TRPM3: variants seen among roughly 807,000 people sequenced by gnomAD.
TRPM3 encodes the protein long transient receptor potential channel 3.
In TRPM3, 77 loss-of-function variants were observed where a neutral mutation model predicts 181.2. That is an observed-to-expected ratio of 0.42 (90% confidence interval 0.35 to 0.51). TRPM3 has a LOEUF of 0.51. TRPM3 is among the 20% of genes least tolerant of loss of function. TRPM3 has a pLI of 0.01. For missense variants in TRPM3, 1,759 were observed against 2,196.7 expected (o/e 0.80, Z 3.98); for synonymous variants, 745 against 796.4 (o/e 0.94, Z 1.09).
intron 1 of TRPM3, among the ~76,000 whole-genome samples, chr9:71,424,330 G>T (rs1315786335): frequency 1.3e-5 from 2 of 152,026 alleles, no homozygotes; most frequent in African/African-American, 2.4e-5. Flanking sequence ...AAAACAGATT[G>T]GGGTTCAGAT....
intron 1 of TRPM3, among the ~76,000 whole-genome samples, chr9:71,412,331 T>A (rs7467594): frequency 0.99 from 150,262 of 152,210 alleles, 74,208 homozygotes; most frequent in East Asian, 1. Flanking sequence ...ATGGGAAAAA[T>A]TTTTTGCAAC....
chr9:70,695,180 C>T (rs576860855), intron 8 of TRPM3, among the ~76,000 whole-genome samples: 1 of 152,306 alleles, frequency 6.6e-6, no homozygotes, highest in Non-Finnish European at 1.5e-5. Flanking sequence ...GTGTACGGAG[C>T]ATGGACTTTT....
intron 1 of TRPM3, among the ~76,000 whole-genome samples, chr9:70,969,729 C>T (rs1217440724): frequency 7.2e-6 from 1 of 138,744 alleles, no homozygotes; most frequent in Non-Finnish European, 1.6e-5. Flanking sequence ...TACACACCTG[C>T]AGGATTGTTG....
At chr9:70,608,648 C>T (rs2132955381) in intron 19 of TRPM3, among the ~76,000 whole-genome samples, 1 of 152,128 alleles carries the variant, frequency 6.6e-6, no homozygotes, top group South Asian at 2.1e-4. Context: ...CCAGCCTGGC[C>T]AACGTGGCAA....
At chr9:70,787,210 A>T (rs1368067241) in intron 6 of TRPM3, among the ~76,000 whole-genome samples, 1 of 152,214 alleles carries the variant, frequency 6.6e-6, no homozygotes, top group Non-Finnish European at 1.5e-5. Flanking sequence ...ACTGAAACTA[A>T]TTACCAATTA....
At chr9:70,680,297 G>A (rs758093174) in intron 9 of TRPM3, among the ~76,000 whole-genome samples, 2 of 152,174 alleles carry the variant, frequency 1.3e-5, no homozygotes, top group African/African-American at 2.4e-5. Context: ...TCATTTGGTT[G>A]TTGAAATAAA....
Position 71,121,435 on chromosome 9 carries a change from C to A in TRPM3, c.-81G>T. 1 of 1,524,500 alleles carries A rather than the reference C, an allele frequency of 6.6e-7. No individual in the cohort carries two copies. The highest frequency in any genetic ancestry group is 8.8e-7 in the Non-Finnish European group (1 of 1,139,016). The allele number at this position is 1,524,500 out of a possible 1,614,324, so 94.4% of individuals were successfully genotyped here. On this transcript the variant is annotated 5_prime_UTR_variant, in exon 1 of 26. In the 5' UTR this introduces an upstream ATG that the reference lacks. Transcript: ENST00000677713. ...TGGAAGACTAGTCAAGTAGCCTTGCCTGAGCCCCTGAACCTTCTTAAAACA... is the reference window on the plus strand; with the variant it reads ...TGGAAGACTAGTCAAGTAGCCTTGCATGAGCCCCTGAACCTTCTTAAAACA...
At chr9:71,199,210 A>C (rs11524687) in intron 1 of TRPM3, among the ~76,000 whole-genome samples, 63,132 of 148,862 alleles carry the variant, frequency 0.42, 13,898 homozygotes, top group East Asian at 0.51. Context: ...GCCTTGCATC[A>C]CAGGGATGAA....
intron 1 of TRPM3, among the ~76,000 whole-genome samples, chr9:71,206,068 T>C (rs1181390388): frequency 2.0e-5 from 3 of 152,242 alleles, no homozygotes; most frequent in African/African-American, 7.2e-5. Context: ...GATTTGCATG[T>C]GTCTTTACAG....
rs151289034 is a variant in TRPM3, at chr9:70,864,558, G to A, written c.178-47C>T. On this transcript the variant is annotated intron_variant, in intron 1 of 25. Transcript: ENST00000677713. The stretch of plus-strand genomic sequence containing the variant: ...AAAAAAAAAGAAAAAAGAAAGAAAG[G>A]TGAACATACCGTGAAATATTTTTAA... 470 of 1,274,778 alleles carry A rather than the reference G, an allele frequency of 3.7e-4. 10 individuals are homozygous for A. The East Asian group carries it at 0.012, about 33-fold the overall frequency. The allele number at this position is 1,274,778 out of a possible 1,614,324, so 79.0% of individuals were successfully genotyped here.
At chr9:71,386,937 T>C (rs2092937310) in intron 1 of TRPM3, among the ~76,000 whole-genome samples, 1 of 152,190 alleles carries the variant, frequency 6.6e-6, no homozygotes, top group African/African-American at 2.4e-5. Context: ...ACATGTGATC[T>C]TCCATTGGCA....
At chr9:71,441,630 C>CT (rs559254034) in intron 1 of TRPM3, among the ~76,000 whole-genome samples, 6,842 of 114,528 alleles carry the variant, frequency 0.06, 389 homozygotes, top group African/African-American at 0.13. Flanking sequence ...TTTGACTCGG[C>CT]TTTTTTTTTT....
chr9:71,168,812 AG>A (rs1469589052), intron 1 of TRPM3, among the ~76,000 whole-genome samples: 3 of 151,808 alleles, frequency 2.0e-5, no homozygotes, highest in African/African-American at 7.3e-5. Context: ...TAAATGAGTG[AG>A]GATACCTGGG....
In TRPM3 at chr9:71,171,709, T is replaced by C. The variant is rs570693293; in HGVS notation, c.183+274944A>G. On this transcript the variant is annotated intron_variant, in intron 1 of 24. Transcript: ENST00000357533. ...GTTGGAGCTCAAAGAAGGCAACGTGTACCCAAGGCTGCTATACACCATTAC... is the reference window on the plus strand; with the variant it reads ...GTTGGAGCTCAAAGAAGGCAACGTGCACCCAAGGCTGCTATACACCATTAC... Among the ~76,000 whole-genome samples, 16 of 152,228 alleles carry C rather than the reference T, an allele frequency of 1.1e-4. No individual in the cohort carries two copies. The East Asian group carries it at 3.1e-3, about 29-fold the overall frequency.
chr9:71,171,033 C>A (rs1365434790), intron 1 of TRPM3, among the ~76,000 whole-genome samples: 2 of 152,084 alleles, frequency 1.3e-5, no homozygotes, highest in Admixed American at 6.6e-5. Flanking sequence ...ATAAACAGCC[C>A]CCCCCAGGTG....
At chr9:71,412,847 C>G (rs1326538973) in intron 1 of TRPM3, among the ~76,000 whole-genome samples, 2 of 152,160 alleles carry the variant, frequency 1.3e-5, no homozygotes, top group African/African-American at 4.8e-5. Flanking sequence ...TGGAACCAAC[C>G]CAAATGTCCA....
At chr9:70,922,982 T>A (rs1365612571) in intron 1 of TRPM3, among the ~76,000 whole-genome samples, 1 of 152,160 alleles carries the variant, frequency 6.6e-6, no homozygotes, top group Non-Finnish European at 1.5e-5. Context: ...GTGTAATTGA[T>A]CCACGTATCA....
At chr9:70,829,923 T>C (rs1234784244) in intron 5 of TRPM3, among the ~76,000 whole-genome samples, 1 of 152,206 alleles carries the variant, frequency 6.6e-6, no homozygotes, top group East Asian at 1.9e-4. Flanking sequence ...TGCAAGTTAA[T>C]AAATATTAAT....
chr9:70,643,831 G>A (rs1027858097), intron 9 of TRPM3, among the ~76,000 whole-genome samples: 1 of 152,190 alleles, frequency 6.6e-6, no homozygotes, highest in African/African-American at 2.4e-5. Flanking sequence ...TCTAATGTGA[G>A]GATAAAATTA....
Sources: allele counts gnomAD v4.1 joint callset (sites outside exome capture counted in the v4.1 genomes callset), GRCh38; gene constraint gnomAD v4.1.1; transcripts MANE v1.5; gene names NCBI Gene and HGNC (gene_info 2026-07-23, HGNC 2026-07-21).